The following TENM2 variants were observed in gnomAD, a reference collection of about 807,000 sequenced individuals.
TENM2 encodes the protein teneurin transmembrane protein 2, also known as teneurin-2.
Under a neutral mutation model 245.2 loss-of-function variants are expected in TENM2, and 52 were observed. That is an observed-to-expected ratio of 0.21 (90% confidence interval 0.17 to 0.27). TENM2 has a LOEUF of 0.27. TENM2 is among the 10% of genes least tolerant of loss of function. The pLI is 1.00. For synonymous variants in TENM2, 1,363 were observed against 1,438.9 expected, an observed-to-expected ratio of 0.95 and a Z score of 1.19; for missense variants, 3,046 against 3,666.8, an observed-to-expected ratio of 0.83 and a Z score of 4.37.
intron 2 of TENM2, among the ~76,000 whole-genome samples, chr5:167,504,259 C>T (rs1769399103): frequency 6.6e-6 from 1 of 152,120 alleles, no homozygotes; most frequent in Non-Finnish European, 1.5e-5. Flanking sequence ...CGTGGACCCC[C>T]ATGCATGAAG....
chr5:168,127,771 T>C (rs967239950), intron 12 of TENM2, among the ~76,000 whole-genome samples: 5 of 152,214 alleles, frequency 3.3e-5, no homozygotes, highest in African/African-American at 1.2e-4. Context: ...CTCCGGTTTT[T>C]ACTTTTGTTA....
In TENM2 at chr5:167,328,170, A is replaced by G. The variant is rs1757200855; in HGVS notation, c.226+43107A>G. On this transcript the variant is annotated intron_variant, in intron 1 of 28. Coordinates refer to ENST00000518659, the Ensembl canonical transcript of TENM2. Reference sequence around the variant, plus strand: ...TCAGTTTTCTTATTTCTCTGCTCATAACCCATTCCAACAGTTCGATAGTTT... The same window carrying G: ...TCAGTTTTCTTATTTCTCTGCTCATGACCCATTCCAACAGTTCGATAGTTT... Among the ~76,000 whole-genome samples, 3 of 149,370 alleles carry G rather than the reference A, an allele frequency of 2.0e-5. No individual in the cohort carries two copies. In the South Asian group the frequency reaches 6.3e-4, roughly 31 times the overall value.
chr5:168,095,360 C>G (rs1793277726), intron 8 of TENM2, among the ~76,000 whole-genome samples: 1 of 152,138 alleles, frequency 6.6e-6, no homozygotes, highest in South Asian at 2.1e-4. Flanking sequence ...CAGTTCCTCT[C>G]TTTCCCACCC....
the TENM2 span, among the ~76,000 whole-genome samples, chr5:167,197,417 G>A: frequency 6.6e-6 from 1 of 152,064 alleles, no homozygotes; most frequent in African/African-American, 2.4e-5. Context: ...ATCAACATTT[G>A]TTAAAGGAAT....
chr5:167,865,429 G>T (rs916350966), intron 2 of TENM2, among the ~76,000 whole-genome samples: 2 of 151,916 alleles, frequency 1.3e-5, no homozygotes, highest in Non-Finnish European at 2.9e-5. Flanking sequence ...GCACACCACC[G>T]AGCCTGGCTA....
intron 1 of TENM2, among the ~76,000 whole-genome samples, chr5:167,307,351 T>A (rs539867010): frequency 6.6e-6 from 1 of 152,174 alleles, no homozygotes; most frequent in East Asian, 1.9e-4. Context: ...CTGTGATTTA[T>A]TCTATTATAC....
chr5:167,563,069 G>A (rs1344180398), intron 2 of TENM2, among the ~76,000 whole-genome samples: 1 of 151,950 alleles, frequency 6.6e-6, no homozygotes, highest in Admixed American at 6.5e-5. Flanking sequence ...CCTAGGTACT[G>A]TAGCAATGTT....
intron 12 of TENM2, chr5:168,129,488 T>C (rs1754376550): frequency 6.6e-6 from 1 of 152,216 alleles, no homozygotes; most frequent in Non-Finnish European, 1.5e-5. Context: ...GTTATAAAGA[T>C]CTTTACTACC....
At chr5:167,240,343 CTGT>C in the TENM2 span, among the ~76,000 whole-genome samples, 2,174 of 151,846 alleles carry the variant, frequency 0.014, 46 homozygotes, top group African/African-American at 0.048. Flanking sequence ...ATTTGCCCAC[CTGT>C]TGTTGTTGTT....
chr5:167,725,851 T>G (rs943326121), intron 2 of TENM2, among the ~76,000 whole-genome samples: 1 of 151,802 alleles, frequency 6.6e-6, no homozygotes, highest in African/African-American at 2.4e-5. Context: ...GAAATCCCCT[T>G]CCTCTACTCT....
At chr5:168,228,745 G>A (rs1008334949) in intron 25 of TENM2, among the ~76,000 whole-genome samples, 1 of 92,712 alleles carries the variant, frequency 1.1e-5, no homozygotes, top group Non-Finnish European at 1.8e-5. Context: ...TTTCCCAAGA[G>A]GAAGTAACAA....
At chr5:167,530,857 A>C (rs1771446615) in intron 2 of TENM2, among the ~76,000 whole-genome samples, 5 of 152,206 alleles carry the variant, frequency 3.3e-5, no homozygotes, top group Admixed American at 3.3e-4. Flanking sequence ...AAATGGAAGT[A>C]ATATCATTTG....
intron 1 of TENM2, among the ~76,000 whole-genome samples, chr5:167,290,655 A>G (rs769152317): frequency 1.3e-5 from 2 of 152,154 alleles, no homozygotes; most frequent in Non-Finnish European, 2.9e-5. Flanking sequence ...AAAGATGAAC[A>G]TAACTCATAC....
intron 2 of TENM2, among the ~76,000 whole-genome samples, chr5:167,727,929 G>A (rs958007325): frequency 6.6e-6 from 1 of 152,054 alleles, no homozygotes; most frequent in African/African-American, 2.4e-5. Context: ...TTATTTTTCT[G>A]GTCTTTGTGT....
intron 2 of TENM2, among the ~76,000 whole-genome samples, chr5:167,472,579 G>T (rs1482163143): frequency 6.6e-6 from 1 of 152,152 alleles, no homozygotes; most frequent in African/African-American, 2.4e-5. Flanking sequence ...TGCCTTGGTT[G>T]CCTTAGAGTG....
rs1772076585 is a variant in TENM2, at chr5:167,863,963, C to T, written c.503-12023C>T. ...CTAGACCTAGTCCTACTCTCATTTA[C>T]ATTTTCAATTCTAATTTCACAATAT... On this transcript the variant is annotated intron_variant, in intron 2 of 28. Coordinates refer to ENST00000518659, the Ensembl canonical transcript of TENM2. 3.3e-5 allele frequency among the ~76,000 whole-genome samples: 5 copies of T among 152,176 alleles called. No homozygotes were observed. In the South Asian group the frequency reaches 1.0e-3, roughly 31 times the overall value.
chr5:167,133,056 G>A, the TENM2 span, among the ~76,000 whole-genome samples: 2 of 152,180 alleles, frequency 1.3e-5, no homozygotes, highest in African/African-American at 4.8e-5. Context: ...GTCATCACAG[G>A]GACGTGTGGC....
the TENM2 span, among the ~76,000 whole-genome samples, chr5:167,095,768 CTTTTT>C: frequency 7.7e-6 from 1 of 129,802 alleles, no homozygotes. Flanking sequence ...GAAAGCCTTT[CTTTTT>C]TTTTTTTTTT....
intron 1 of TENM2, among the ~76,000 whole-genome samples, chr5:167,309,289 T>A (rs933685972): frequency 6.6e-6 from 1 of 152,150 alleles, no homozygotes. Flanking sequence ...GGTCCCTGAT[T>A]TACAATTCTC....
Sources: gnomAD v4.1 joint callset for allele counts (sites outside exome capture counted in the v4.1 genomes callset) on GRCh38, gnomAD v4.1.1 for gene constraint, MANE v1.5 for transcripts, NCBI Gene and HGNC (gene_info 2026-07-23, HGNC 2026-07-21) for gene names.